PRPF4: variants seen among roughly 807,000 people sequenced by gnomAD.
PRPF4 encodes U4/U6 small nuclear ribonucleoprotein Prp4.
In PRPF4, 14 loss-of-function variants were observed where a neutral mutation model predicts 72.2. The observed-to-expected ratio is 0.19, with a 90% CI of 0.13 to 0.30. The LOEUF (loss-of-function observed/expected upper bound fraction) is 0.30. PRPF4 is among the 10% of genes least tolerant of loss of function. PRPF4 has a pLI of 1.00. For synonymous variants in PRPF4, 225 were observed against 232.2 expected (o/e 0.97, Z 0.28); for missense variants, 478 against 653.9 (o/e 0.73, Z 2.93).
In PRPF4 at chr9:113,279,370, G is replaced by A. The variant is rs553193407; in HGVS notation, c.392+239G>A. Among the ~76,000 whole-genome samples the A allele has an allele frequency of 5.2e-3, 773 of 147,560 alleles. 8 individuals are homozygous for A. Among genetic ancestry groups the A allele is most frequent in the African/African-American group, 0.019 (729 of 39,244 alleles). On this transcript the variant is annotated intron_variant, in intron 3 of 13. Coordinates refer to ENST00000374198, the MANE Select transcript of PRPF4 (RefSeq NM_001244926.2). The stretch of plus-strand genomic sequence containing the variant: ...GTTTTGTTTTGTTTTGTTTTGTTTT[G>A]TTTTGTGTTTTGAGACAGAGTCTTG...
chr9:113,280,323 C>G (rs900983136), intron 3 of PRPF4, among the ~76,000 whole-genome samples: 1 of 152,048 alleles, frequency 6.6e-6, no homozygotes, highest in African/African-American at 2.4e-5. Flanking sequence ...CTCTACTTGC[C>G]CTTGGTGATC....
intron 10 of PRPF4, among the ~76,000 whole-genome samples, chr9:113,289,361 A>T (rs1409595442): frequency 6.6e-6 from 1 of 152,192 alleles, no homozygotes; most frequent in African/African-American, 2.4e-5. Context: ...GCTGGGTCAT[A>T]GGGTAGAGGT....
At position 113,276,549 on chromosome 9, in the gene PRPF4, C is replaced by G. The variant is rs1298438606; in HGVS notation, c.29C>G (p.Ala10Gly). The change falls in exon 2 of 14, where the codon GCA (alanine) becomes GGA (glycine). Residue 10 changes from alanine to glycine, a missense_variant and splice_region_variant. By Grantham distance (60) the Ala-to-Gly change is moderately conservative (BLOSUM62 0). Transcript: ENST00000374198. ...TAATGCAGATCTTTGATTTAGCAGG[C>G]AACCAAAACTAAAGCACCCGACGAC... Reference protein sequence around the residue: MASSRASSTATKTKAPDDLV... With the variant: MASSRASSTGTKTKAPDDLV... 1 of 1,614,090 alleles carries G rather than the reference C, an allele frequency of 6.2e-7. No individual in the cohort carries two copies. Among genetic ancestry groups the G allele is most frequent in the Non-Finnish European group, 8.5e-7 (1 of 1,179,982 alleles).
Position 113,283,118 on chromosome 9 carries a change from A to G in PRPF4, c.481-14A>G. 6.2e-7 allele frequency: 1 copy of G among 1,614,160 alleles called. No homozygotes were observed. Among genetic ancestry groups the G allele is most frequent in the Non-Finnish European group, 8.5e-7 (1 of 1,180,040 alleles). ...CTTCAGATTTGACCTTTCTGCTCTT[A>G]ATTTGCCTTTCAGTATCAGCAAACC... On this transcript the variant is annotated splice_polypyrimidine_tract_variant and intron_variant, in intron 4 of 13. Transcript: ENST00000374198.
chr9:113,279,152 C>T, intron 3 of PRPF4, 21 bp downstream of exon 3: 1 of 1,585,676 alleles, frequency 6.3e-7, no homozygotes, highest in Non-Finnish European at 8.6e-7. Flanking sequence ...TAAATATTTA[C>T]TTTTTTTCTT....
chr9:113,285,399 G>A (rs1375956876), intron 7 of PRPF4, among the ~76,000 whole-genome samples: 1 of 75,348 alleles, frequency 1.3e-5, no homozygotes, highest in Non-Finnish European at 2.6e-5. Flanking sequence ...TTTTTTTTGA[G>A]ACGGAGTGTC....
intron 3 of PRPF4, 100 bp downstream of exon 3, chr9:113,279,231 A>C: frequency 2.5e-5 from 27 of 1,085,842 alleles, no homozygotes; most frequent in Non-Finnish European, 3.3e-5. Flanking sequence ...AGAATGTCTC[A>C]AATCATGTTA....
At chr9:113,277,791 C>T (rs1486878753) in intron 2 of PRPF4, among the ~76,000 whole-genome samples, 1 of 152,114 alleles carries the variant, frequency 6.6e-6, no homozygotes, top group Non-Finnish European at 1.5e-5. Context: ...GGCTTGAGCC[C>T]AGGAATCCAA....
intron 3 of PRPF4, among the ~76,000 whole-genome samples, chr9:113,280,460 C>T (rs1472340485): frequency 6.6e-6 from 1 of 152,192 alleles, no homozygotes; most frequent in Non-Finnish European, 1.5e-5. Flanking sequence ...CCACCTCTCT[C>T]CTATACTCAT....
At chr9:113,286,387 A>C in intron 8 of PRPF4, 97 bp downstream of exon 8, 1 of 1,163,760 alleles carries the variant, frequency 8.6e-7, no homozygotes, top group East Asian at 2.4e-5. Flanking sequence ...TACACACAGC[A>C]TTAATCCTTG....
At chr9:113,281,245 C>A (rs760488478) in intron 3 of PRPF4, among the ~76,000 whole-genome samples, 3 of 152,188 alleles carry the variant, frequency 2.0e-5, no homozygotes, top group Non-Finnish European at 4.4e-5. Context: ...TCAAAGAAGC[C>A]TTTCGTCACA....
Position 113,283,481 on chromosome 9 carries a change from G to A in PRPF4, c.653G>A (p.Arg218Gln), listed in dbSNP as rs772421861. Residue 218 changes from arginine to glutamine, a missense_variant and splice_region_variant, in exon 6 of 14, where the codon CGG becomes CAG. By Grantham distance (43) the Arg-to-Gln change is conservative. Coordinates refer to ENST00000374198, the MANE Select transcript of PRPF4 (RefSeq NM_001244926.2). ...SQMQELHKSL[R>Q]SLNNFCSQIG... ...ATGCAAGAGCTGCACAAGTCTCTCC[G>A]GGTAAGATGCTCCCAGCAATTGTCC... 3.1e-6 allele frequency: 5 copies of A among 1,613,750 alleles called. No homozygotes were observed. In the Admixed American group the frequency reaches 5.0e-5, roughly 16 times the overall value.
Position 113,278,973 on chromosome 9 carries a change from C to T in PRPF4, c.234C>T (p.Ile78=). The part of the protein sequence containing the change: ...SGEVFEIEEH[I]SERQAEVLAE... ...AAGTGTTTGAAATTGAAGAGCATAT[C>T]AGCGAGCGACAGGCAGAAGTATTGG... Residue 78 remains isoleucine, a synonymous_variant, in exon 3 of 14, where the codon ATC becomes ATT. Transcript: ENST00000374198. 1 of 1,614,198 alleles carries T rather than the reference C, an allele frequency of 6.2e-7. No individual in the cohort carries two copies. The highest frequency in any genetic ancestry group is 2.2e-5 in the East Asian group (1 of 44,880).
rs1465829368 is a variant in PRPF4, at chr9:113,292,250, T to G, written c.*590T>G. On this transcript the variant is annotated 3_prime_UTR_variant, in exon 14 of 14. Coordinates refer to ENST00000374198, the MANE Select transcript of PRPF4 (RefSeq NM_001244926.2). ...AAATTTGTTCGAATGCCTTATAGCCTTCCTCACAGCACCCAGGATTGTGAC... is the reference window on the plus strand; with the variant it reads ...AAATTTGTTCGAATGCCTTATAGCCGTCCTCACAGCACCCAGGATTGTGAC... 1 of 152,484 alleles carries G rather than the reference T, an allele frequency of 6.6e-6. No individual in the cohort carries two copies. The highest frequency in any genetic ancestry group is 1.5e-5 in the Non-Finnish European group (1 of 68,318). 9.4% of individuals were successfully genotyped at this position (152,484 alleles called of 1,614,324 possible).
chr9:113,288,325 G>C, intron 10 of PRPF4, 61 bp downstream of exon 10: 1 of 1,487,442 alleles, frequency 6.7e-7, no homozygotes, highest in South Asian at 1.2e-5. Flanking sequence ...AACCCTTTAT[G>C]GCTATCTGCC....
At chr9:113,277,431 G>A (rs1832143950) in intron 2 of PRPF4, among the ~76,000 whole-genome samples, 1 of 151,882 alleles carries the variant, frequency 6.6e-6, no homozygotes. Context: ...TCTTGCCCAG[G>A]CTGGAATGCA....
At chr9:113,288,383 G>T (rs1832511637) in intron 10 of PRPF4, 119 bp downstream of exon 10, 1 of 879,286 alleles carries the variant, frequency 1.1e-6, no homozygotes, top group Non-Finnish European at 1.8e-6. Context: ...TTCTTGGGCT[G>T]CAGGGAATTG....
In PRPF4 at chr9:113,284,331, C is replaced by T. The variant is rs1213323837; in HGVS notation, c.691C>T (p.Arg231Trp). 3 of 1,613,114 alleles carry T rather than the reference C, an allele frequency of 1.9e-6. No individual in the cohort carries two copies. The highest frequency in any genetic ancestry group is 2.5e-6 in the Non-Finnish European group (3 of 1,179,288). The change falls in exon 7 of 14, where the codon CGG becomes TGG. Residue 231 changes from arginine (R) to tryptophan (W), a missense_variant. Coordinates refer to ENST00000374198, the MANE Select transcript of PRPF4 (RefSeq NM_001244926.2). The stretch of plus-strand genomic sequence containing the variant: ...TTTTTGCAGTCAGATTGGGGATGAT[C>T]GGCCTATCTCCTACTGTCACTTTAG... ...NNFCSQIGDD[R>W]PISYCHFSPN...
intron 7 of PRPF4, among the ~76,000 whole-genome samples, chr9:113,285,118 AC>A (rs1327914823): frequency 4.3e-4 from 65 of 151,978 alleles, no homozygotes; most frequent in Middle Eastern, 3.4e-3. Context: ...TTCCTGCCGT[AC>A]CTGCTTCACA....
Sources: gnomAD v4.1 joint callset for allele counts (sites outside exome capture counted in the v4.1 genomes callset) on GRCh38, gnomAD v4.1.1 for gene constraint, MANE v1.5 for transcripts, NCBI Gene and HGNC (gene_info 2026-07-23, HGNC 2026-07-21) for gene names.